The following PPP2R2B variants were observed in gnomAD, a reference collection of about 807,000 sequenced individuals.
PPP2R2B encodes the protein serine/threonine-protein phosphatase 2A 55 kDa regulatory subunit B beta isoform.
In PPP2R2B, 5 loss-of-function variants were observed where a neutral mutation model predicts 46.0. The observed-to-expected ratio is 0.11, with a 90% CI of 0.06 to 0.23. PPP2R2B has a LOEUF of 0.23. Among genes scored for constraint, PPP2R2B ranks in the 10% least tolerant of loss-of-function variants. The probability of loss-of-function intolerance (pLI) is 1.00; values close to 1 mark genes in which losing one functional copy is unlikely to be tolerated. For synonymous variants in PPP2R2B, 215 were observed against 206.7 expected, an observed-to-expected ratio of 1.04 and a Z score of -0.34; for missense variants, 367 against 575.0, an observed-to-expected ratio of 0.64 and a Z score of 3.70.
intron 1 of PPP2R2B, among the ~76,000 whole-genome samples, chr5:146,956,741 CAGTTCTGGAGGCTGGA>C (rs1327970152): frequency 6.6e-6 from 1 of 152,172 alleles, no homozygotes; most frequent in African/African-American, 2.4e-5. Flanking sequence ...TTACTTCTCA[CAGTTCTGGAGGCTGGA>C]AGTCCAAGAT....
intron 5 of PPP2R2B, among the ~76,000 whole-genome samples, chr5:146,685,839 G>A (rs1039584368): frequency 2.0e-5 from 3 of 152,258 alleles, no homozygotes; most frequent in Admixed American, 6.5e-5. Context: ...TGCATCCCTT[G>A]TGTACCCACC....
intron 1 of PPP2R2B, among the ~76,000 whole-genome samples, chr5:146,886,297 C>A (rs545026522): frequency 6.6e-6 from 1 of 151,096 alleles, no homozygotes; most frequent in Non-Finnish European, 1.5e-5. Flanking sequence ...CGAGACTGCG[C>A]CACAGCACTC....
chr5:146,711,339 G>C (rs987922272), intron 2 of PPP2R2B, among the ~76,000 whole-genome samples: 4 of 152,108 alleles, frequency 2.6e-5, no homozygotes, highest in Admixed American at 1.3e-4. Flanking sequence ...CCAACATATA[G>C]AGAATGGATA....
intron 1 of PPP2R2B, among the ~76,000 whole-genome samples, chr5:146,980,801 G>A (rs942927160): frequency 3.9e-5 from 6 of 152,102 alleles, no homozygotes; most frequent in Admixed American, 2.6e-4. Context: ...CTAATGTGTA[G>A]ATACAAGATT....
At chr5:146,845,001 C>T (rs1358035906) in intron 2 of PPP2R2B, among the ~76,000 whole-genome samples, 1 of 152,190 alleles carries the variant, frequency 6.6e-6, no homozygotes, top group Non-Finnish European at 1.5e-5. Flanking sequence ...TCCATGAGAT[C>T]CCACTTTTGG....
chr5:146,927,654 A>G (rs546426721), intron 1 of PPP2R2B, among the ~76,000 whole-genome samples: 105 of 151,958 alleles, frequency 6.9e-4, no homozygotes, highest in Admixed American at 3.1e-3. Context: ...AACCCTAGAC[A>G]TGGTCTCAGA....
At chr5:146,751,762 T>TC (rs1262618735) in intron 2 of PPP2R2B, among the ~76,000 whole-genome samples, 1 of 152,136 alleles carries the variant, frequency 6.6e-6, no homozygotes, top group Non-Finnish European at 1.5e-5. Flanking sequence ...ATAATGGTGA[T>TC]TGCCCCCAGA....
At chr5:146,979,707 C>T (rs781485447) in intron 1 of PPP2R2B, among the ~76,000 whole-genome samples, 6 of 151,976 alleles carry the variant, frequency 3.9e-5, no homozygotes, top group Admixed American at 6.6e-5. Flanking sequence ...AATGTTTTAC[C>T]TCATACATAC....
chr5:146,733,624 T>C (rs2151209553), intron 2 of PPP2R2B, among the ~76,000 whole-genome samples: 1 of 152,302 alleles, frequency 6.6e-6, no homozygotes, highest in Non-Finnish European at 1.5e-5. Context: ...AGCTTTAGAC[T>C]AACCTCCCTC....
intron 1 of PPP2R2B, among the ~76,000 whole-genome samples, chr5:147,006,055 G>A (rs1048177563): frequency 7.2e-5 from 11 of 152,100 alleles, no homozygotes; most frequent in African/African-American, 2.7e-4. Context: ...TCCTAACAGG[G>A]GGATCTAAAT....
intron 2 of PPP2R2B, among the ~76,000 whole-genome samples, chr5:146,744,614 G>A (rs530040220): frequency 6.6e-6 from 1 of 152,286 alleles, no homozygotes; most frequent in East Asian, 1.9e-4. Flanking sequence ...TGGGATATGA[G>A]CCAGGCAATC....
At chr5:146,821,225 G>A (rs1013195242) in intron 2 of PPP2R2B, among the ~76,000 whole-genome samples, 8 of 151,988 alleles carry the variant, frequency 5.3e-5, no homozygotes, top group Admixed American at 3.9e-4. Context: ...ATGTACAATT[G>A]CACAAATCCT....
intron 2 of PPP2R2B, among the ~76,000 whole-genome samples, chr5:146,719,439 C>G (rs1346693219): frequency 6.6e-6 from 1 of 152,224 alleles, no homozygotes; most frequent in Non-Finnish European, 1.5e-5. Flanking sequence ...GGGCAAGTTA[C>G]TTGAGTTCTC....
At chr5:146,891,695 G>T (rs76806178) in intron 1 of PPP2R2B, among the ~76,000 whole-genome samples, 2 of 152,080 alleles carry the variant, frequency 1.3e-5, no homozygotes, top group Non-Finnish European at 2.9e-5. Flanking sequence ...ATTTATGTGC[G>T]AATAAGAGAC....
At chr5:146,973,853 G>A (rs1194076317) in intron 1 of PPP2R2B, among the ~76,000 whole-genome samples, 1 of 152,180 alleles carries the variant, frequency 6.6e-6, no homozygotes, top group South Asian at 2.1e-4. Context: ...CTGCATTAGC[G>A]AAGGAAACAA....
At chr5:146,837,303 C>T (rs1229566670) in intron 2 of PPP2R2B, among the ~76,000 whole-genome samples, 3 of 152,092 alleles carry the variant, frequency 2.0e-5, no homozygotes, top group Non-Finnish European at 1.5e-5. Context: ...TGTTCTGAGC[C>T]CATTTAAAGT....
At chr5:146,990,431 CAACT>C (rs1753644232) in intron 1 of PPP2R2B, among the ~76,000 whole-genome samples, 1 of 152,010 alleles carries the variant, frequency 6.6e-6, no homozygotes, top group Non-Finnish European at 1.5e-5. Flanking sequence ...CACTTTTAAC[CAACT>C]GTTTTTTGCC....
intron 2 of PPP2R2B, among the ~76,000 whole-genome samples, chr5:146,797,594 G>A (rs528713831): frequency 2.0e-5 from 3 of 152,188 alleles, no homozygotes; most frequent in South Asian, 2.1e-4. Flanking sequence ...TTGTAACCTC[G>A]TGCTTAAAGA....
chr5:146,827,625 C>T (rs1758661271), intron 2 of PPP2R2B, among the ~76,000 whole-genome samples: 1 of 152,058 alleles, frequency 6.6e-6, no homozygotes, highest in Admixed American at 6.5e-5. Context: ...TAGTCTTGCC[C>T]TCATAGAATC....
Sources: allele counts gnomAD v4.1 joint callset (sites outside exome capture counted in the v4.1 genomes callset), GRCh38; gene constraint gnomAD v4.1.1; transcripts MANE v1.5; gene names NCBI Gene and HGNC (gene_info 2026-07-23, HGNC 2026-07-21).